The following CSRNP3 variants were observed in gnomAD, a reference collection of about 807,000 sequenced individuals.
The protein encoded by CSRNP3 is cysteine and serine rich nuclear protein 3.
A neutral mutation model predicts 48.0 loss-of-function variants in CSRNP3; 12 were observed. The ratio of observed to expected loss-of-function variants is 0.25; its 90% CI spans 0.16 to 0.41. The LOEUF is 0.41. Among genes scored for constraint, CSRNP3 ranks in the 10% least tolerant of loss-of-function variants. The pLI is 1.00. For missense variants in CSRNP3, 580 were observed against 724.4 expected, an observed-to-expected ratio of 0.80 and a Z score of 2.29; for synonymous variants, 263 against 269.7, an observed-to-expected ratio of 0.98 and a Z score of 0.24.
At chr2:165,671,487 C>G (rs969564270) in intron 5 of CSRNP3, among the ~76,000 whole-genome samples, 1 of 152,200 alleles carries the variant, frequency 6.6e-6, no homozygotes, top group African/African-American at 2.4e-5. Flanking sequence ...AGCCATGCCC[C>G]GAGCTGTAAC....
At chr2:165,594,601 G>C (rs965121287) in intron 3 of CSRNP3, among the ~76,000 whole-genome samples, 2 of 152,124 alleles carry the variant, frequency 1.3e-5, no homozygotes, top group African/African-American at 4.8e-5. Context: ...GCTTCATTGT[G>C]CTCAGCTAAT....
chr2:165,628,084 G>T (rs16850953), intron 4 of CSRNP3, among the ~76,000 whole-genome samples: 7 of 152,070 alleles, frequency 4.6e-5, no homozygotes, highest in African/African-American at 1.7e-4. Flanking sequence ...CCTGTCCAGC[G>T]GAATTGCCAC....
In CSRNP3 at chr2:165,683,625, A is replaced by G. The variant is rs1477690611; in HGVS notation, c.*3872A>G. 1.3e-5 allele frequency: 2 copies of G among 152,100 alleles called. No individual in the cohort carries two copies. Among genetic ancestry groups the G allele is most frequent in the Admixed American group, 1.3e-4 (2 of 15,236 alleles). 9.4% of individuals were successfully genotyped at this position (152,100 alleles called of 1,614,324 possible). On this transcript the variant is annotated 3_prime_UTR_variant, in exon 7 of 7. Transcript: ENST00000651982. Reference sequence around the variant, plus strand: ...TCTTTGGTCTTTATATTCAAAATTTATTAAGTATCAATTCTTTCTTTCAAC... The same window carrying G: ...TCTTTGGTCTTTATATTCAAAATTTGTTAAGTATCAATTCTTTCTTTCAAC...
intron 4 of CSRNP3, among the ~76,000 whole-genome samples, chr2:165,655,576 T>C (rs1686989427): frequency 1.3e-5 from 2 of 152,176 alleles, no homozygotes; most frequent in Non-Finnish European, 2.9e-5. Flanking sequence ...CTTGTATCAG[T>C]TTCCTTGGGC....
intron 1 of CSRNP3, among the ~76,000 whole-genome samples, chr2:165,491,778 T>C (rs1406108089): frequency 4.4e-4 from 49 of 112,546 alleles, no homozygotes; most frequent in African/African-American, 1.5e-3. Flanking sequence ...GGAAGGGGAA[T>C]ATCACACTCT....
intron 2 of CSRNP3, among the ~76,000 whole-genome samples, chr2:165,513,280 C>T (rs181097789): frequency 6.6e-6 from 1 of 152,236 alleles, no homozygotes; most frequent in East Asian, 1.9e-4. Context: ...ATTGCAGATG[C>T]AATTGAACTA....
intron 4 of CSRNP3, among the ~76,000 whole-genome samples, chr2:165,606,772 T>G (rs1328773184): frequency 6.6e-6 from 1 of 152,180 alleles, no homozygotes; most frequent in Non-Finnish European, 1.5e-5. Context: ...AAGTGAAATA[T>G]ACAAGTTTCA....
chr2:165,550,871 T>C (rs900418770), intron 3 of CSRNP3, among the ~76,000 whole-genome samples: 1 of 152,328 alleles, frequency 6.6e-6, no homozygotes, highest in Non-Finnish European at 1.5e-5. Flanking sequence ...AACAGCCATT[T>C]GGGAACATGA....
chr2:165,642,556 C>T (rs2105335371), intron 4 of CSRNP3, among the ~76,000 whole-genome samples: 1 of 150,412 alleles, frequency 6.6e-6, no homozygotes, highest in Non-Finnish European at 1.5e-5. Context: ...AATGATTATG[C>T]ATATTCTTTT....
intron 2 of CSRNP3, among the ~76,000 whole-genome samples, chr2:165,512,939 C>A (rs894843737): frequency 4.6e-5 from 7 of 152,130 alleles, no homozygotes; most frequent in Admixed American, 1.3e-4. Context: ...CCCATGTCTA[C>A]TAAAAATACA....
At chr2:165,506,876 C>T (rs1403486238) in intron 2 of CSRNP3, among the ~76,000 whole-genome samples, 3 of 152,082 alleles carry the variant, frequency 2.0e-5, no homozygotes, top group African/African-American at 7.2e-5. Flanking sequence ...TCATTCATTT[C>T]TCCCTTGTAG....
chr2:165,685,201 A>G lies in CSRNP3; in HGVS notation c.*5448A>G, dbSNP rs1687610921. On this transcript the variant is annotated 3_prime_UTR_variant, in exon 7 of 7. Coordinates refer to ENST00000651982, the MANE Select transcript of CSRNP3 (RefSeq NM_001172173.2). ...CACATTTTACCTACCAAATCTAGATATTCAACGTGAGTCCTTAAAACAGTC... is the reference window on the plus strand; with the variant it reads ...CACATTTTACCTACCAAATCTAGATGTTCAACGTGAGTCCTTAAAACAGTC... 1 of 152,150 alleles carries G rather than the reference A, an allele frequency of 6.6e-6. No homozygotes were observed. Among genetic ancestry groups the G allele is most frequent in the Non-Finnish European group, 1.5e-5 (1 of 68,004 alleles). 9.4% of individuals were successfully genotyped at this position (152,150 alleles called of 1,614,324 possible). A position where few individuals can be genotyped will look rare whatever the true frequency, so the allele number is the denominator to read the frequency against.
chr2:165,599,744 CT>C (rs1413217803), intron 4 of CSRNP3, among the ~76,000 whole-genome samples: 1 of 152,120 alleles, frequency 6.6e-6, no homozygotes, highest in African/African-American at 2.4e-5. Flanking sequence ...AAGGTATGGG[CT>C]TCTCTGCAAT....
At chr2:165,507,466 AT>A in intron 2 of CSRNP3, among the ~76,000 whole-genome samples, 1 of 152,136 alleles carries the variant, frequency 6.6e-6, no homozygotes, top group African/African-American at 2.4e-5. Context: ...AAAAATCTTC[AT>A]TTAGGGCTCC....
At chr2:165,484,504 A>C (rs1684087253) in intron 1 of CSRNP3, among the ~76,000 whole-genome samples, 1 of 152,208 alleles carries the variant, frequency 6.6e-6, no homozygotes, top group Non-Finnish European at 1.5e-5. Flanking sequence ...CAGTGCTAGA[A>C]AATATAAATC....
At chr2:165,529,299 C>T (rs753177988) in intron 3 of CSRNP3, among the ~76,000 whole-genome samples, 1 of 152,110 alleles carries the variant, frequency 6.6e-6, no homozygotes, top group Non-Finnish European at 1.5e-5. Flanking sequence ...ATGTTGAATT[C>T]CCAAAGGGAC....
At chr2:165,655,574 A>G (rs6432840) in intron 4 of CSRNP3, among the ~76,000 whole-genome samples, 3,959 of 152,184 alleles carry the variant, frequency 0.026, 171 homozygotes, top group African/African-American at 0.09. Flanking sequence ...CACTTGTATC[A>G]GTTTCCTTGG....
At chr2:165,584,514 C>G (rs1046704877) in intron 3 of CSRNP3, among the ~76,000 whole-genome samples, 3 of 152,176 alleles carry the variant, frequency 2.0e-5, no homozygotes, top group Non-Finnish European at 4.4e-5. Context: ...TATGATGTCA[C>G]ATAGTACTCA....
intron 3 of CSRNP3, among the ~76,000 whole-genome samples, chr2:165,550,971 A>T (rs1478032332): frequency 6.6e-6 from 1 of 151,986 alleles, no homozygotes; most frequent in Non-Finnish European, 1.5e-5. Context: ...TCCAAAGAAG[A>T]CTTACTTTTT....
Sources: allele counts gnomAD v4.1 joint callset (sites outside exome capture counted in the v4.1 genomes callset), GRCh38; gene constraint gnomAD v4.1.1; transcripts MANE v1.5; gene names NCBI Gene and HGNC (gene_info 2026-07-23, HGNC 2026-07-21).